Variants in DHX8 observed in about 807,000 individuals in gnomAD.
DHX8 encodes the protein ATP-dependent RNA helicase DHX8.
In DHX8, 67 loss-of-function variants were observed where a neutral mutation model predicts 140.7. The ratio of observed to expected loss-of-function variants is 0.48; its 90% CI spans 0.39 to 0.58. The LOEUF (loss-of-function observed/expected upper bound fraction) is 0.58. DHX8 is among the 20% of genes least tolerant of loss of function. The probability of loss-of-function intolerance (pLI) is 0.00; values close to 1 mark genes in which losing one functional copy is unlikely to be tolerated. For missense variants in DHX8, 887 were observed against 1,550.7 expected (o/e 0.57, Z 7.19); for synonymous variants, 533 against 553.2 (o/e 0.96, Z 0.51).
chr17:43,526,721 C>T (rs1171339682), downstream of DHX8: 12 of 1,426,496 alleles, frequency 8.4e-6, no homozygotes, highest in African/African-American at 2.8e-5. Context: ...GGGTTTCCAC[C>T]GATTTTTACA....
In DHX8 at chr17:43,543,774, C is replaced by T. The variant is rs1212784747; in HGVS notation, c.*21-388C>T. 2.0e-5 allele frequency: 3 copies of T among 152,324 alleles called. No homozygotes were observed. In the East Asian group the frequency reaches 5.8e-4, roughly 29 times the overall value. The allele number at this position is 152,324 out of a possible 1,614,324, so 9.4% of individuals were successfully genotyped here. A position where few individuals can be genotyped will look rare whatever the true frequency, so the allele number is the denominator to read the frequency against. ...CCAGATCCCTCCAGCACTCACACAG[C>T]CATTCAGCCATTATTTCCACAAAAT... is the stretch of plus-strand genomic sequence containing the variant. On this transcript the variant is annotated intron_variant, in intron 3 of 3. Coordinates refer to the DHX8 transcript ENST00000589898.
chr17:43,521,271 A>G lies in DHX8; in HGVS notation c.3067-98A>G, dbSNP rs542930949. 657 of 997,952 alleles carry G rather than the reference A, an allele frequency of 6.6e-4. 4 individuals carry two copies. The highest frequency in any genetic ancestry group is 2.1e-3 in the Middle Eastern group (7 of 3,284). 61.8% of individuals were successfully genotyped at this position (997,952 alleles called of 1,614,324 possible). On this transcript the variant is annotated intron_variant, in intron 20 of 22. Coordinates refer to ENST00000262415, the MANE Select transcript of DHX8 (RefSeq NM_004941.3). ...AGCCATCATGCCTAGCCTGATGTGG[A>G]CACTTTTGATAGGGTCTTGTAGGGC...
At chr17:43,484,598 A>G (rs575803271) in intron 1 of DHX8, among the ~76,000 whole-genome samples, 1 of 152,164 alleles carries the variant, frequency 6.6e-6, no homozygotes, top group East Asian at 1.9e-4. Flanking sequence ...ACTCTGTGAC[A>G]TAGTAGTTAG....
chr17:43,505,758 C>T (rs567920740), intron 12 of DHX8, among the ~76,000 whole-genome samples: 19 of 152,082 alleles, frequency 1.2e-4, no homozygotes, highest in African/African-American at 4.1e-4. Context: ...TCATAGAGTG[C>T]TTCGGTACTC....
intron 3 of DHX8, 57 bp from the exon 4 acceptor site, chr17:43,491,105 TTAA>T (rs1244667677): frequency 1.4e-6 from 1 of 694,204 alleles, no homozygotes; most frequent in Non-Finnish European, 2.2e-6. Context: ...TTGTTAATCA[TTAA>T]TAATATTAAA....
chr17:43,489,406 T>C, intron 1 of DHX8, 43 bp from the exon 2 acceptor site: 6 of 1,347,226 alleles, frequency 4.5e-6, no homozygotes, highest in Non-Finnish European at 6.3e-6. Flanking sequence ...ACTGATTTCT[T>C]GTTCATGTCT....
intron 2 of DHX8, chr17:43,534,092 G>A: frequency 8.2e-7 from 1 of 1,215,126 alleles, no homozygotes; most frequent in Non-Finnish European, 1.1e-6. Flanking sequence ...GACTGGTACA[G>A]CCTCCTTCCC....
chr17:43,494,579 G>C (rs1274927718), intron 8 of DHX8, among the ~76,000 whole-genome samples: 1 of 151,358 alleles, frequency 6.6e-6, no homozygotes, highest in Non-Finnish European at 1.5e-5. Flanking sequence ...AAATTAGCCG[G>C]GCGTCATGGT....
intron 1 of DHX8, among the ~76,000 whole-genome samples, chr17:43,487,011 G>A (rs1968198394): frequency 6.6e-6 from 1 of 152,102 alleles, no homozygotes; most frequent in African/African-American, 2.4e-5. Flanking sequence ...TTGAAAGAAT[G>A]TAGCCTCTGA....
downstream of DHX8, chr17:43,528,569 G>A (rs375332940): frequency 1.3e-5 from 21 of 1,613,782 alleles, no homozygotes; most frequent in Non-Finnish European, 1.6e-5. Context: ...GGGCCAGCCA[G>A]CTCTGGGAGG....
chr17:43,491,188 GA>G lies in DHX8; in HGVS notation c.336del (p.Glu113LysfsTer3). On this transcript the variant is annotated frameshift_variant, in exon 4 of 23. Coordinates refer to ENST00000262415, the MANE Select transcript of DHX8 (RefSeq NM_004941.3). LOFTEE classifies it high-confidence loss of function. Reference protein sequence around the residue: ...SKDPVVKPKTEKEKLKELFPV... With the variant: ...SKDPVVKPKTXKEKLKELFPV... ...AGATCCAGTTGTTAAACCTAAAACA[GA>G]AAAAGAAAAGCTGAAGGAACTCTTC... 6.5e-7 allele frequency: 1 copy of G among 1,540,054 alleles called. No individual in the cohort carries two copies. Among genetic ancestry groups the G allele is most frequent in the Non-Finnish European group, 8.7e-7 (1 of 1,143,956 alleles).
intron 2 of DHX8, chr17:43,532,888 T>G: frequency 6.2e-7 from 1 of 1,601,086 alleles, no homozygotes; most frequent in Non-Finnish European, 8.5e-7. Flanking sequence ...CCCGGCCCCC[T>G]CCCTGAGATG....
chr17:43,528,697 G>A (rs117364926), downstream of DHX8: 2,413 of 1,614,168 alleles, frequency 1.5e-3, 2 homozygotes, highest in Non-Finnish European at 1.8e-3. Context: ...AGAGAAGAGG[G>A]CCTCGGGCTC....
chr17:43,484,828 G>A (rs766771844), intron 1 of DHX8, among the ~76,000 whole-genome samples: 33 of 152,028 alleles, frequency 2.2e-4, no homozygotes, highest in Admixed American at 4.6e-4. Flanking sequence ...TTTTTGTAGA[G>A]ACGGGGGTCT....
intron 2 of DHX8, chr17:43,533,370 G>A: frequency 1.9e-6 from 3 of 1,601,184 alleles, no homozygotes; most frequent in South Asian, 1.1e-5. Flanking sequence ...AAGGAGACAG[G>A]GGTGAGGGGG....
At chr17:43,484,254 A>T (rs1598107042) in intron 1 of DHX8, 69 bp downstream of exon 1, 1 of 1,059,464 alleles carries the variant, frequency 9.4e-7, no homozygotes, top group Admixed American at 2.4e-5. Context: ...AGGAGGAAGG[A>T]GAAAGGTGGT....
chr17:43,518,431 G>T (rs1308252604), intron 18 of DHX8: 1 of 152,106 alleles, frequency 6.6e-6, no homozygotes, highest in Non-Finnish European at 1.5e-5. Context: ...TGTGAACATA[G>T]TTTTTACCCA....
rs1445435699 is a variant in DHX8, at chr17:43,493,721, T to C, written c.1047T>C (p.Asn349=). The part of the protein sequence containing the change: ...DQETGEDLNP[N]RRRNLVGETN... ...AGACTGGAGAAGATCTAAACCCAAA[T>C]AGACGGCGAAATCTTGTCGGGGAGA... Residue 349 remains asparagine, a synonymous_variant, in exon 8 of 23, where the codon AAT becomes AAC. Coordinates refer to ENST00000262415, the MANE Select transcript of DHX8 (RefSeq NM_004941.3). The C allele has an allele frequency of 6.2e-7, 1 of 1,614,184 alleles. No homozygotes were observed. Among genetic ancestry groups the C allele is most frequent in the South Asian group, 1.1e-5 (1 of 91,084 alleles).
At chr17:43,505,336 G>GA (rs1348177447) in intron 12 of DHX8, among the ~76,000 whole-genome samples, 1 of 152,108 alleles carries the variant, frequency 6.6e-6, no homozygotes, top group East Asian at 1.9e-4. Flanking sequence ...TTGAATCAGG[G>GA]AGTCGGAGGT....
Sources: allele counts gnomAD v4.1 joint callset (sites outside exome capture counted in the v4.1 genomes callset), GRCh38; gene constraint gnomAD v4.1.1; transcripts MANE v1.5; gene names NCBI Gene and HGNC (gene_info 2026-07-23, HGNC 2026-07-21).